MACROD1: variants seen among roughly 807,000 people sequenced by gnomAD.
MACROD1 encodes mono-ADP ribosylhydrolase 1, also known as ADP-ribose glycohydrolase MACROD1.
A neutral mutation model predicts 41.4 loss-of-function variants in MACROD1; 31 were observed. The ratio of observed to expected loss-of-function variants is 0.75; its 90% CI spans 0.56 to 1.01. MACROD1 has a LOEUF of 1.01. Ranked by LOEUF, MACROD1 falls within the 50% of genes least tolerant of loss-of-function variation. The pLI is 0.00. For synonymous variants in MACROD1, 252 were observed against 203.4 expected, an observed-to-expected ratio of 1.24 and a Z score of -2.03; for missense variants, 473 against 460.0, an observed-to-expected ratio of 1.03 and a Z score of -0.26.
intron 3 of MACROD1, among the ~76,000 whole-genome samples, chr11:64,047,390 A>G (rs1359344359): frequency 6.6e-6 from 1 of 152,134 alleles, no homozygotes; most frequent in Admixed American, 6.5e-5. Context: ...TCACCCAGCA[A>G]TCGGAGGAGA....
intron 3 of MACROD1, among the ~76,000 whole-genome samples, chr11:64,141,417 G>A (rs531688505): frequency 1.3e-5 from 2 of 152,296 alleles, no homozygotes; most frequent in South Asian, 4.1e-4. Flanking sequence ...TGGCCACCAC[G>A]TGCTGCTGCA....
chr11:64,102,232 C>A (rs936043767), intron 3 of MACROD1, among the ~76,000 whole-genome samples: 1 of 152,180 alleles, frequency 6.6e-6, no homozygotes, highest in Non-Finnish European at 1.5e-5. Context: ...ACCAGGGCGC[C>A]GCGGCCCTTC....
intron 3 of MACROD1, among the ~76,000 whole-genome samples, chr11:64,113,276 A>C (rs778478584): frequency 6.6e-6 from 1 of 152,276 alleles, no homozygotes; most frequent in Non-Finnish European, 1.5e-5. Flanking sequence ...GTGAACTATC[A>C]TCCATCCCAT....
At chr11:64,114,430 T>TG in intron 3 of MACROD1, among the ~76,000 whole-genome samples, 1 of 118,654 alleles carries the variant, frequency 8.4e-6, no homozygotes, top group African/African-American at 4.7e-5. Flanking sequence ...GAGGGATGGT[T>TG]GAATGGATGG....
At chr11:64,009,748 C>T (rs1378056285) in intron 4 of MACROD1, among the ~76,000 whole-genome samples, 4 of 152,222 alleles carry the variant, frequency 2.6e-5, no homozygotes, top group African/African-American at 9.6e-5. Flanking sequence ...TGGGGGCTCT[C>T]ACTGCATTGG....
intron 3 of MACROD1, among the ~76,000 whole-genome samples, chr11:64,093,730 C>T (rs71454591): frequency 0.1 from 15,169 of 152,290 alleles, 886 homozygotes; most frequent in Non-Finnish European, 0.13. Context: ...CTGGGCCTCC[C>T]GCTCTGTAGT....
chr11:64,018,801 G>C (rs1200129867), intron 3 of MACROD1, among the ~76,000 whole-genome samples: 10 of 152,154 alleles, frequency 6.6e-5, no homozygotes, highest in Non-Finnish European at 2.9e-5. Flanking sequence ...GATGCAGGTG[G>C]GCCCAGGAGC....
chr11:64,070,010 C>A, intron 3 of MACROD1, among the ~76,000 whole-genome samples: 1 of 152,216 alleles, frequency 6.6e-6, no homozygotes, highest in Middle Eastern at 3.4e-3. Flanking sequence ...GGGGGACAGG[C>A]GGGGATGGTG....
At chr11:64,136,783 C>T (rs1217799342) in intron 3 of MACROD1, among the ~76,000 whole-genome samples, 1 of 152,246 alleles carries the variant, frequency 6.6e-6, no homozygotes. Context: ...GCCACGGGCT[C>T]AGCCTCTGAA....
chr11:64,061,775 C>T (rs1383716288), intron 3 of MACROD1, among the ~76,000 whole-genome samples: 1 of 151,470 alleles, frequency 6.6e-6, no homozygotes, highest in East Asian at 1.9e-4. Flanking sequence ...TCACAGCTCA[C>T]TGCAGCCTCA....
intron 3 of MACROD1, among the ~76,000 whole-genome samples, chr11:64,057,214 G>C (rs1051694134): frequency 6.6e-6 from 1 of 152,242 alleles, no homozygotes; most frequent in African/African-American, 2.4e-5. Flanking sequence ...GCAGCCTCTG[G>C]GACCAGCTTG....
chr11:64,147,862 C>T (rs1945517393), intron 3 of MACROD1, among the ~76,000 whole-genome samples: 2 of 152,044 alleles, frequency 1.3e-5, no homozygotes, highest in South Asian at 4.1e-4. Flanking sequence ...CCTGCCTCAG[C>T]CTCCTGAGTA....
chr11:64,019,725 C>G (rs776060788), intron 3 of MACROD1, among the ~76,000 whole-genome samples: 1 of 152,106 alleles, frequency 6.6e-6, no homozygotes, highest in Admixed American at 6.6e-5. Flanking sequence ...CAGTCCTGAC[C>G]GGAGGGGTAG....
At chr11:64,002,719 C>T (rs530072687) in intron 4 of MACROD1, among the ~76,000 whole-genome samples, 1 of 152,342 alleles carries the variant, frequency 6.6e-6, no homozygotes, top group South Asian at 2.1e-4. Flanking sequence ...CCCACACACA[C>T]TCCCAGAGTC....
chr11:63,999,172 C>A, intron 8 of MACROD1, 136 bp from the exon 9 acceptor site: 1 of 1,306,210 alleles, frequency 7.7e-7, no homozygotes, highest in South Asian at 1.4e-5. Context: ...GTGCCATCAC[C>A]CCCATCTCGC....
At chr11:64,084,348 C>T (rs1944356049) in intron 3 of MACROD1, among the ~76,000 whole-genome samples, 1 of 152,136 alleles carries the variant, frequency 6.6e-6, no homozygotes, top group Non-Finnish European at 1.5e-5. Context: ...TCGAGGAGCC[C>T]CTGCCACGTG....
intron 3 of MACROD1, among the ~76,000 whole-genome samples, chr11:64,114,118 G>C (rs983548987): frequency 1.3e-5 from 2 of 150,916 alleles, no homozygotes; most frequent in African/African-American, 4.9e-5. Flanking sequence ...ATGGATGGAT[G>C]CAAGGACTGG....
intron 3 of MACROD1, among the ~76,000 whole-genome samples, chr11:64,037,373 C>G (rs1477450766): frequency 1.3e-5 from 2 of 151,890 alleles, no homozygotes; most frequent in African/African-American, 4.8e-5. Flanking sequence ...GCTCCAGATT[C>G]CAGTTTCTGG....
chr11:64,007,443 G>A (rs1325503763), intron 4 of MACROD1, among the ~76,000 whole-genome samples: 1 of 152,200 alleles, frequency 6.6e-6, no homozygotes, highest in Non-Finnish European at 1.5e-5. Flanking sequence ...GAAGGAGATG[G>A]GGAGGAGAGT....
Sources: allele counts gnomAD v4.1 joint callset (sites outside exome capture counted in the v4.1 genomes callset), GRCh38; gene constraint gnomAD v4.1.1; transcripts MANE v1.5; gene names NCBI Gene and HGNC (gene_info 2026-07-23, HGNC 2026-07-21).